ASB7: variants seen among roughly 807,000 people sequenced by gnomAD.
ASB7 encodes the protein ankyrin repeat and SOCS box protein 7.
A neutral mutation model predicts 32.5 loss-of-function variants in ASB7; 4 were observed. The observed-to-expected ratio is 0.12, with a 90% CI of 0.06 to 0.28. The LOEUF (loss-of-function observed/expected upper bound fraction) is 0.28, where lower values mean the gene tolerates loss of function less well. Among genes scored for constraint, ASB7 ranks in the 10% least tolerant of loss-of-function variants. The pLI is 1.00. For synonymous variants in ASB7, 172 were observed against 155.6 expected (o/e 1.11, Z -0.78); for missense variants, 181 against 407.1 (o/e 0.44, Z 4.78).
intron 4 of ASB7, among the ~76,000 whole-genome samples, chr15:100,620,277 ATT>A (rs1251829654): frequency 6.6e-6 from 1 of 152,178 alleles, no homozygotes; most frequent in Non-Finnish European, 1.5e-5. Flanking sequence ...GTAATACTGT[ATT>A]GTTTTTTAAA....
At chr15:100,632,072 G>C (rs1334644248) in intron 5 of ASB7, among the ~76,000 whole-genome samples, 1 of 152,258 alleles carries the variant, frequency 6.6e-6, no homozygotes. Context: ...AGCCCTCAGA[G>C]CTGCCCCTAG....
At chr15:100,611,497 T>TTTTTTTTTTTTTTTTTTTG (rs2039695381) in intron 3 of ASB7, among the ~76,000 whole-genome samples, 1 of 141,536 alleles carries the variant, frequency 7.1e-6, no homozygotes, top group Admixed American at 7.3e-5. Flanking sequence ...TTTTTTTTTT[T>TTTTTTTTTTTTTTTTTTTG]GAGACAGAAT....
intron 5 of ASB7, among the ~76,000 whole-genome samples, chr15:100,638,099 C>T (rs1410572444): frequency 6.6e-6 from 1 of 152,028 alleles, no homozygotes; most frequent in Non-Finnish European, 1.5e-5. Context: ...CTTTGAGCTT[C>T]TCCAATTTTA....
intron 4 of ASB7, among the ~76,000 whole-genome samples, chr15:100,614,188 C>T (rs2039720908): frequency 6.6e-6 from 1 of 151,120 alleles, no homozygotes; most frequent in African/African-American, 2.4e-5. Context: ...GCAGGAGAAT[C>T]ACTTGAACCC....
intron 5 of ASB7, among the ~76,000 whole-genome samples, chr15:100,641,003 T>C (rs1008947452): frequency 1.2e-4 from 18 of 152,186 alleles, no homozygotes; most frequent in Admixed American, 3.3e-4. Flanking sequence ...CCCTAAAGGG[T>C]TTGTAATTCT....
intron 5 of ASB7, 55 bp downstream of exon 5, chr15:100,630,097 G>T: frequency 6.9e-7 from 1 of 1,459,146 alleles, no homozygotes; most frequent in Non-Finnish European, 9.1e-7. Context: ...CATCTTCTGA[G>T]GAGCTTAATG....
rs139836975 is a variant in ASB7, at chr15:100,631,551, G to A, written c.817+1509G>A. Among the ~76,000 whole-genome samples the A allele has an allele frequency of 3.5e-4, 54 of 152,272 alleles. 1 individual carries two copies. The highest frequency in any genetic ancestry group is 4.6e-4 in the Admixed American group (7 of 15,300). On this transcript the variant is annotated intron_variant, in intron 5 of 5. Transcript: ENST00000332783. ...TCTACATTAGAGACTTAGTTATGATGAGTGTGGCCGCCCTTAGGAAGGCAT... is the reference window on the plus strand; with the variant it reads ...TCTACATTAGAGACTTAGTTATGATAAGTGTGGCCGCCCTTAGGAAGGCAT...
chr15:100,616,159 C>T (rs1046575773), intron 4 of ASB7, among the ~76,000 whole-genome samples: 2 of 152,148 alleles, frequency 1.3e-5, no homozygotes, highest in Non-Finnish European at 2.9e-5. Flanking sequence ...GTGTGATATA[C>T]CTGCCTCTCT....
rs144190084 is a variant in ASB7, at chr15:100,649,011, C to T, written c.*549C>T. The T allele has an allele frequency of 1.3e-5, 2 of 152,698 alleles. No individual in the cohort carries two copies. The highest frequency in any genetic ancestry group is 3.9e-4 in the East Asian group (2 of 5,190). The allele number at this position is 152,698 out of a possible 1,614,324, so 9.5% of individuals were successfully genotyped here. On this transcript the variant is annotated 3_prime_UTR_variant, in exon 6 of 6. Coordinates refer to ENST00000332783, the MANE Select transcript of ASB7 (RefSeq NM_198243.3). The stretch of plus-strand genomic sequence containing the variant: ...CCTAATTAATGTAGCTTTCGGATGA[C>T]ATAAATCCAGTATCTCTGCTTATGA...
At chr15:100,643,291 C>T (rs902537321) in intron 5 of ASB7, among the ~76,000 whole-genome samples, 27 of 151,914 alleles carry the variant, frequency 1.8e-4, no homozygotes, top group African/African-American at 6.0e-4. Context: ...TTATCATAGG[C>T]CCACCCAGTT....
chr15:100,606,711 C>T (rs113062793), intron 2 of ASB7, among the ~76,000 whole-genome samples: 40 of 152,056 alleles, frequency 2.6e-4, no homozygotes, highest in African/African-American at 9.2e-4. Flanking sequence ...TTTCTTTTGA[C>T]CCCAAGTGGA....
intron 5 of ASB7, chr15:100,646,033 CT>C: frequency 2.3e-6 from 1 of 426,680 alleles, no homozygotes. Flanking sequence ...AGACCAGATC[CT>C]TAGCATCTTA....
At chr15:100,603,854 T>G (rs369390076) in intron 2 of ASB7, among the ~76,000 whole-genome samples, 3 of 152,330 alleles carry the variant, frequency 2.0e-5, no homozygotes, top group South Asian at 4.1e-4. Context: ...TAGTTTGATT[T>G]TATTTCCTAC....
chr15:100,627,649 G>A (rs1432708189), intron 4 of ASB7, among the ~76,000 whole-genome samples: 5 of 152,176 alleles, frequency 3.3e-5, no homozygotes, highest in Non-Finnish European at 7.3e-5. Context: ...CAAGTGCAGT[G>A]TTTTGTAACA....
At chr15:100,607,567 C>G (rs1012157374) in intron 2 of ASB7, among the ~76,000 whole-genome samples, 1 of 152,124 alleles carries the variant, frequency 6.6e-6, no homozygotes, top group African/African-American at 2.4e-5. Flanking sequence ...CTAGTACATG[C>G]AGGGAGTACT....
chr15:100,634,900 G>A (rs1047949769), intron 5 of ASB7, among the ~76,000 whole-genome samples: 1 of 152,224 alleles, frequency 6.6e-6, no homozygotes, highest in African/African-American at 2.4e-5. Context: ...CCAGTGGAAG[G>A]TAAGATAGCA....
chr15:100,622,711 A>C (rs954476468), intron 4 of ASB7, among the ~76,000 whole-genome samples: 1 of 152,224 alleles, frequency 6.6e-6, no homozygotes, highest in Non-Finnish European at 1.5e-5. Flanking sequence ...CACCCTCTTC[A>C]GGCTGGGAAA....
At chr15:100,642,613 A>T (rs2039968915) in intron 5 of ASB7, among the ~76,000 whole-genome samples, 1 of 152,218 alleles carries the variant, frequency 6.6e-6, no homozygotes, top group South Asian at 2.1e-4. Context: ...CAGGTCCCAG[A>T]GTCTCACTCA....
At chr15:100,614,910 G>A (rs1218651144) in intron 4 of ASB7, among the ~76,000 whole-genome samples, 1 of 152,200 alleles carries the variant, frequency 6.6e-6, no homozygotes, top group Non-Finnish European at 1.5e-5. Flanking sequence ...ATATATGTAT[G>A]TATCTAGTTA....
Sources: allele counts gnomAD v4.1 joint callset (sites outside exome capture counted in the v4.1 genomes callset), GRCh38; gene constraint gnomAD v4.1.1; transcripts MANE v1.5; gene names NCBI Gene and HGNC (gene_info 2026-07-23, HGNC 2026-07-21).